Variants in ETV6 observed in about 807,000 individuals in gnomAD.
ETV6 encodes the protein ETS variant transcription factor 6, also known as transcription factor ETV6.
Under a neutral mutation model 51.1 loss-of-function variants are expected in ETV6, and 16 were observed. That is an observed-to-expected ratio of 0.31 (90% CI 0.21 to 0.48). The LOEUF (loss-of-function observed/expected upper bound fraction) is 0.48, where lower values mean the gene tolerates loss of function less well. ETV6 is among the 20% of genes least tolerant of loss of function. The pLI is 0.99. For synonymous variants in ETV6, 240 were observed against 224.1 expected (o/e 1.07, Z -0.64); for missense variants, 458 against 594.8 (o/e 0.77, Z 2.39).
intron 1 of ETV6, among the ~76,000 whole-genome samples, chr12:11,707,874 A>T (rs994893604): frequency 3.3e-5 from 5 of 152,212 alleles, no homozygotes; most frequent in African/African-American, 1.2e-4. Flanking sequence ...TGAGAAACTG[A>T]ACTAGAACAT....
At chr12:11,665,270 A>T (rs1047271797) in intron 1 of ETV6, among the ~76,000 whole-genome samples, 2 of 152,224 alleles carry the variant, frequency 1.3e-5, no homozygotes, top group African/African-American at 2.4e-5. Flanking sequence ...AAGTGCTGGG[A>T]TTATAGGCAT....
At chr12:11,856,373 C>G (rs1946633253) in intron 4 of ETV6, among the ~76,000 whole-genome samples, 1 of 152,220 alleles carries the variant, frequency 6.6e-6, no homozygotes, top group South Asian at 2.1e-4. Flanking sequence ...TCAGACCCAG[C>G]TCTTAAAAGT....
intron 2 of ETV6, among the ~76,000 whole-genome samples, chr12:11,832,749 G>C (rs893660668): frequency 1.3e-5 from 2 of 152,234 alleles, no homozygotes; most frequent in Non-Finnish European, 2.9e-5. Flanking sequence ...TTGAATTTCT[G>C]ATGTTGCTTT....
chr12:11,759,890 C>T (rs1039085309), intron 2 of ETV6, among the ~76,000 whole-genome samples: 11 of 152,242 alleles, frequency 7.2e-5, no homozygotes, highest in Non-Finnish European at 1.0e-4. Flanking sequence ...CTGATATTTT[C>T]TCCCATTTTG....
At chr12:11,874,819 TCTCA>T (rs1946954108) in intron 5 of ETV6, among the ~76,000 whole-genome samples, 1 of 147,796 alleles carries the variant, frequency 6.8e-6, no homozygotes, top group South Asian at 2.1e-4. Flanking sequence ...GCAGAATTGT[TCTCA>T]CTCATAGGTG....
chr12:11,788,281 T>C (rs1056270642), intron 2 of ETV6, among the ~76,000 whole-genome samples: 6 of 152,206 alleles, frequency 3.9e-5, no homozygotes, highest in African/African-American at 1.4e-4. Context: ...AATAAGACTT[T>C]TATGTGGCTG....
At chr12:11,790,710 A>C (rs2856331) in intron 2 of ETV6, among the ~76,000 whole-genome samples, 18,357 of 136,508 alleles carry the variant, frequency 0.13, 1,305 homozygotes, top group African/African-American at 0.2. Flanking sequence ...GAGACAGAGT[A>C]TCTGTTGCCC....
chr12:11,705,941 A>G (rs1865065636), intron 1 of ETV6, among the ~76,000 whole-genome samples: 1 of 152,256 alleles, frequency 6.6e-6, no homozygotes, highest in Non-Finnish European at 1.5e-5. Flanking sequence ...AGATTTTTCC[A>G]GAATCCTTTT....
At chr12:11,730,398 C>T (rs530759869) in intron 1 of ETV6, among the ~76,000 whole-genome samples, 14 of 152,348 alleles carry the variant, frequency 9.2e-5, no homozygotes, top group Non-Finnish European at 1.8e-4. Flanking sequence ...TCCAATGAGG[C>T]TGCTGCTCTG....
At chr12:11,873,020 T>C (rs964841687) in intron 5 of ETV6, among the ~76,000 whole-genome samples, 1 of 152,180 alleles carries the variant, frequency 6.6e-6, no homozygotes, top group Non-Finnish European at 1.5e-5. Flanking sequence ...GGGGCCTAGA[T>C]CTTTTGGGGG....
rs1321161233 is a variant in ETV6, at chr12:11,890,867, AC to A, written c.1254-73del. ...AAGATGATGGAGTCTTTCTTTATAT[AC>A]AGGCTAGAGTTCAGAGTGAAGACAG... On this transcript the variant is annotated intron_variant, in intron 7 of 7. Coordinates refer to ENST00000396373, the MANE Select transcript of ETV6 (RefSeq NM_001987.5). The A allele has an allele frequency of 3.6e-6, 4 of 1,115,970 alleles. No individual in the cohort carries two copies. The African/African-American group carries it at 4.6e-5, about 13-fold the overall frequency. The allele number at this position is 1,115,970 out of a possible 1,614,324, so 69.1% of individuals were successfully genotyped here. A position where few individuals can be genotyped will look rare whatever the true frequency, so the allele number is the denominator to read the frequency against.
At chr12:11,802,247 C>G (rs1224159762) in intron 2 of ETV6, among the ~76,000 whole-genome samples, 2 of 152,170 alleles carry the variant, frequency 1.3e-5, no homozygotes, top group African/African-American at 4.8e-5. Flanking sequence ...AGGAATCTCC[C>G]TGGGATGGTA....
chr12:11,791,933 T>C (rs1458819343), intron 2 of ETV6, among the ~76,000 whole-genome samples: 5 of 152,288 alleles, frequency 3.3e-5, no homozygotes, highest in Non-Finnish European at 7.4e-5. Context: ...AAAACAGAGC[T>C]TCCATTTTCT....
At chr12:11,775,646 G>GC (rs1196434640) in intron 2 of ETV6, among the ~76,000 whole-genome samples, 1 of 152,136 alleles carries the variant, frequency 6.6e-6, no homozygotes, top group Non-Finnish European at 1.5e-5. Context: ...TGCAGAAGGC[G>GC]CCATCACTGC....
At chr12:11,747,045 C>T (rs930988431) in intron 1 of ETV6, among the ~76,000 whole-genome samples, 4 of 152,120 alleles carry the variant, frequency 2.6e-5, no homozygotes, top group South Asian at 2.1e-4. Flanking sequence ...ACTGGTGAAG[C>T]GGGCTCCTTG....
At position 11,870,025 on chromosome 12, in the gene ETV6, C is replaced by T; in HGVS notation, c.1009+56C>T. 2.6e-6 allele frequency: 4 copies of T among 1,533,410 alleles called. No individual in the cohort carries two copies. In the East Asian group the frequency reaches 6.7e-5, roughly 26 times the overall value. 95.0% of individuals were successfully genotyped at this position (1,533,410 alleles called of 1,614,324 possible). ...ATCATGGGGACCTGACAAAGTCCCA[C>T]TCTCCCCTGTGATCTTTGCAGCCAG... On this transcript the variant is annotated intron_variant, in intron 5 of 7. Coordinates refer to ENST00000396373, the MANE Select transcript of ETV6 (RefSeq NM_001987.5).
intron 2 of ETV6, among the ~76,000 whole-genome samples, chr12:11,837,139 C>T (rs1422804430): frequency 3.9e-5 from 6 of 152,186 alleles, no homozygotes; most frequent in African/African-American, 1.4e-4. Flanking sequence ...AGAGCTGGTA[C>T]TTCCCATATC....
intron 2 of ETV6, among the ~76,000 whole-genome samples, chr12:11,798,214 C>T (rs374712485): frequency 7.9e-5 from 12 of 152,060 alleles, no homozygotes; most frequent in Non-Finnish European, 1.5e-4. Context: ...CATGTCACTG[C>T]GCCACAGAAG....
chr12:11,780,356 C>T (rs1205482165), intron 2 of ETV6, among the ~76,000 whole-genome samples: 2 of 152,042 alleles, frequency 1.3e-5, no homozygotes, highest in Non-Finnish European at 2.9e-5. Flanking sequence ...CCTGGGACAA[C>T]AGCAAATATT....
Sources: allele counts gnomAD v4.1 joint callset (sites outside exome capture counted in the v4.1 genomes callset), GRCh38; gene constraint gnomAD v4.1.1; transcripts MANE v1.5; gene names NCBI Gene and HGNC (gene_info 2026-07-23, HGNC 2026-07-21).